Variants in ZFP1 observed in about 807,000 individuals in gnomAD.
ZFP1 encodes the protein zinc finger protein 1 homolog.
In ZFP1, 32 loss-of-function variants were observed where a neutral mutation model predicts 38.5. That is an observed-to-expected ratio of 0.83 (90% CI 0.63 to 1.12). The LOEUF (loss-of-function observed/expected upper bound fraction) is 1.12. Among genes scored for constraint, ZFP1 ranks in the 50% most tolerant of loss-of-function variants. The pLI is 0.00. For missense variants in ZFP1, 616 were observed against 480.8 expected (o/e 1.28, Z -2.63); for synonymous variants, 245 against 168.8 (o/e 1.45, Z -3.50).
the ZFP1 span, among the ~76,000 whole-genome samples, chr16:75,130,065 C>T: frequency 2.1e-4 from 32 of 152,124 alleles, no homozygotes; most frequent in Admixed American, 5.9e-4. Flanking sequence ...GGCGCAAGCT[C>T]GGCTCACTGC....
intron 2 of ZFP1, among the ~76,000 whole-genome samples, chr16:75,155,267 G>A (rs1030988027): frequency 6.6e-6 from 1 of 152,154 alleles, no homozygotes; most frequent in African/African-American, 2.4e-5. Context: ...AAGTAGCTGG[G>A]ACTACAGGCA....
the ZFP1 span, among the ~76,000 whole-genome samples, chr16:75,136,107 C>G: frequency 6.6e-6 from 1 of 152,208 alleles, no homozygotes; most frequent in African/African-American, 2.4e-5. Flanking sequence ...TGAGCCACCA[C>G]GCCCAGCTAA....
At chr16:75,123,451 A>ATATGTG in the ZFP1 span, among the ~76,000 whole-genome samples, 2 of 105,162 alleles carry the variant, frequency 1.9e-5, no homozygotes, top group East Asian at 5.1e-4. Context: ...GTGTGTGTGT[A>ATATGTG]TATGTATATA....
At position 75,171,982 on chromosome 16, in the gene ZFP1, G is replaced by C. The variant is rs991616821; in HGVS notation, c.*1648G>C. The C allele has an allele frequency of 6.6e-6, 1 of 152,138 alleles. No individual in the cohort carries two copies. Among genetic ancestry groups the C allele is most frequent in the African/African-American group, 2.4e-5 (1 of 41,422 alleles). The allele number at this position is 152,138 out of a possible 1,614,324, so 9.4% of individuals were successfully genotyped here. On this transcript the variant is annotated 3_prime_UTR_variant, in exon 4 of 4. Transcript: ENST00000570010. ...AGGAATAAAAAGCGCCAGCACTTAA[G>C]ATTATATGTTTACTAATGTATATTG... is the stretch of plus-strand genomic sequence containing the variant.
intron 2 of ZFP1, among the ~76,000 whole-genome samples, chr16:75,160,877 C>G (rs369855899): frequency 6.6e-6 from 1 of 152,044 alleles, no homozygotes; most frequent in Non-Finnish European, 1.5e-5. Context: ...AGAAGGGCTC[C>G]TAACCCCGCT....
intron 2 of ZFP1, among the ~76,000 whole-genome samples, chr16:75,157,668 A>G (rs1227607763): frequency 2.0e-5 from 3 of 152,156 alleles, no homozygotes. Flanking sequence ...ATGGTTATGG[A>G]TGTGTGCACA....
the ZFP1 span, among the ~76,000 whole-genome samples, chr16:75,123,449 G>A: frequency 6.2e-5 from 3 of 48,396 alleles, no homozygotes; most frequent in African/African-American, 8.6e-5. Context: ...GTGTGTGTGT[G>A]TATATGTATA....
At chr16:75,146,186 G>A (rs1482509877), upstream of ZFP1, among the ~76,000 whole-genome samples, 9 of 149,642 alleles carry the variant, frequency 6.0e-5, no homozygotes, top group South Asian at 4.3e-4. Flanking sequence ...TTTTGGAGAC[G>A]GGGTCTCGCT....
chr16:75,149,918 G>C (rs2037102147), intron 1 of ZFP1, among the ~76,000 whole-genome samples: 1 of 151,936 alleles, frequency 6.6e-6, no homozygotes, highest in Non-Finnish European at 1.5e-5. Context: ...CCTCCTGGCT[G>C]GGATTACAGG....
Position 75,172,141 on chromosome 16 carries a change from A to G in ZFP1, c.*1807A>G, listed in dbSNP as rs537633892. On this transcript the variant is annotated 3_prime_UTR_variant, in exon 4 of 4. Transcript: ENST00000570010. ...AAAGAATGTGTGGGAACAAACTCCA[A>G]ACTTCTCTAGGTCAAATGAGGAAAG... 1.3e-5 allele frequency: 2 copies of G among 152,320 alleles called. No individual in the cohort carries two copies. Among genetic ancestry groups the G allele is most frequent in the East Asian group, 1.9e-4 (1 of 5,188 alleles). 9.4% of individuals were successfully genotyped at this position (152,320 alleles called of 1,614,324 possible). A position where few individuals can be genotyped will look rare whatever the true frequency, so the allele number is the denominator to read the frequency against.
intron 2 of ZFP1, among the ~76,000 whole-genome samples, chr16:75,166,257 C>T (rs1295770483): frequency 6.6e-6 from 1 of 152,146 alleles, no homozygotes; most frequent in Non-Finnish European, 1.5e-5. Flanking sequence ...TTTTTTGAGA[C>T]AGTCTTACTC....
chr16:75,139,719 GGTGGTTTATACTTA>G, the ZFP1 span, among the ~76,000 whole-genome samples: 1 of 152,248 alleles, frequency 6.6e-6, no homozygotes, highest in East Asian at 1.9e-4. Flanking sequence ...GGACAAGCCA[GGTGGTTTATACTTA>G]GAGTCATCAA....
chr16:75,158,012 C>T (rs1459901122), intron 2 of ZFP1, among the ~76,000 whole-genome samples: 1 of 151,578 alleles, frequency 6.6e-6, no homozygotes, highest in Admixed American at 6.6e-5. Flanking sequence ...GGTCTCAAAC[C>T]CCTAGGCTTA....
the ZFP1 span, among the ~76,000 whole-genome samples, chr16:75,137,420 T>C: frequency 6.7e-6 from 1 of 148,492 alleles, no homozygotes; most frequent in Non-Finnish European, 1.5e-5. Flanking sequence ...AAGACCAGCA[T>C]GGTCAACAGG....
the ZFP1 span, among the ~76,000 whole-genome samples, chr16:75,132,116 G>A: frequency 6.6e-6 from 1 of 152,092 alleles, no homozygotes; most frequent in Non-Finnish European, 1.5e-5. Context: ...AGCCAGGCAT[G>A]GTGGCTCACA....
rs755153947 is a variant in ZFP1 at position 75,170,136 on chromosome 16, C to T, written c.1026C>T (p.His342=). 3 of 1,614,020 alleles carry T rather than the reference C, an allele frequency of 1.9e-6. No individual in the cohort carries two copies. Among genetic ancestry groups the T allele is most frequent in the East Asian group, 2.2e-5 (1 of 44,886 alleles). The part of the protein sequence containing the change: ...SFIQNSQLII[H]MRTHTGEKPY... ...TCCAGAACTCACAGCTCATCATACA[C>T]ATGAGAACTCATACAGGAGAGAAAC... The change falls in exon 4 of 4, where the codon CAC becomes CAT. Residue 342 remains histidine, a synonymous_variant. Transcript: ENST00000570010.
chr16:75,122,012 C>A, the ZFP1 span, among the ~76,000 whole-genome samples: 1,063 of 151,912 alleles, frequency 7.0e-3, 3 homozygotes, highest in Non-Finnish European at 0.012. Context: ...ACAGAATGAT[C>A]TTTGCTTGTG....
In ZFP1 at chr16:75,169,438, G is replaced by A. The variant is rs1402855705; in HGVS notation, c.328G>A (p.Glu110Lys). Reference protein sequence around the residue: ...RQVPYKYDLYEKTLKYNSDLL... With the variant: ...RQVPYKYDLYKKTLKYNSDLL... ...AGTACCTTATAAATATGACTTATATGAAAAAACTTTGAAATATAATTCAGA... is the reference window on the plus strand; with the variant it reads ...AGTACCTTATAAATATGACTTATATAAAAAAACTTTGAAATATAATTCAGA... The change falls in exon 4 of 4, where the codon GAA becomes AAA. Residue 110 changes from glutamate to lysine, a missense_variant. By Grantham distance (56) the Glu-to-Lys change is moderately conservative. Coordinates refer to ENST00000570010, the MANE Select transcript of ZFP1 (RefSeq NM_153688.4). The A allele has an allele frequency of 3.7e-6, 6 of 1,612,152 alleles. No individual in the cohort carries two copies. Among genetic ancestry groups the A allele is most frequent in the Non-Finnish European group, 5.1e-6 (6 of 1,179,544 alleles).
chr16:75,160,290 T>C (rs973767326), intron 2 of ZFP1, among the ~76,000 whole-genome samples: 2 of 152,190 alleles, frequency 1.3e-5, no homozygotes, highest in Admixed American at 1.3e-4. Context: ...CTCAGCACTT[T>C]GAAGGGCCAA....
Sources: gnomAD v4.1 joint callset for allele counts (sites outside exome capture counted in the v4.1 genomes callset) on GRCh38, gnomAD v4.1.1 for gene constraint, MANE v1.5 for transcripts, NCBI Gene and HGNC (gene_info 2026-07-23, HGNC 2026-07-21) for gene names.